Variants in DOCK8 observed in about 807,000 individuals in gnomAD.
DOCK8 encodes dedicator of cytokinesis protein 8.
In DOCK8, 141 loss-of-function variants were observed where a neutral mutation model predicts 245.6. That is an observed-to-expected ratio of 0.57 (90% CI 0.50 to 0.66). The LOEUF (loss-of-function observed/expected upper bound fraction) is 0.66, where lower values mean the gene tolerates loss of function less well. Among genes scored for constraint, DOCK8 ranks in the 30% least tolerant of loss-of-function variants. DOCK8 has a pLI of 0.00. For missense variants in DOCK8, 2,965 were observed against 2,603.4 expected (o/e 1.14, Z -3.02); for synonymous variants, 1,168 against 970.2 (o/e 1.20, Z -3.79).
At position 448,786 on chromosome 9, in the gene DOCK8, C is replaced by G. The variant is rs139425942; in HGVS notation, c.5818-998C>G. On this transcript the variant is annotated intron_variant, in intron 44 of 47. Coordinates refer to ENST00000432829, the MANE Select transcript of DOCK8 (RefSeq NM_203447.4). ...TTGATTGCCTCTGTAAAGACCCTAT[C>G]TCCAAAGAAGGTCACATTCTGAGGT... 9.8e-4 allele frequency among the ~76,000 whole-genome samples: 149 copies of G among 152,334 alleles called. 2 individuals are homozygous for G. The highest frequency in any genetic ancestry group is 3.4e-3 in the African/African-American group (142 of 41,580).
At chr9:354,615 C>T (rs767244301) in intron 14 of DOCK8, among the ~76,000 whole-genome samples, 10 of 152,138 alleles carry the variant, frequency 6.6e-5, no homozygotes, top group Admixed American at 3.3e-4. Context: ...CCTAGGCTGC[C>T]GTCACCTCAA....
chr9:368,247 A>G, intron 15 of DOCK8, 112 bp downstream of exon 15: 1 of 914,430 alleles, frequency 1.1e-6, no homozygotes, highest in South Asian at 1.3e-5. Context: ...CCAGGCCAAT[A>G]CTGCTCAGCA....
chr9:271,721 C>T lies in DOCK8; in HGVS notation c.148C>T (p.Leu50Phe), dbSNP rs1045835531. ...CATAAGTACCTCTGGCTTCCCCTCT[C>T]TTCAACTAGTAAGTATGAGTTCCAG... ...QSISTSGFPSLQLPQFYDPVE... is the reference protein window; with the variant it reads ...QSISTSGFPSFQLPQFYDPVE... The change falls in exon 2 of 48, where the codon CTT (leucine) becomes TTT (phenylalanine). Residue 50 changes from leucine to phenylalanine, a missense_variant. By Grantham distance (22) the Leu-to-Phe change is conservative. This residue lies in a region of DOCK8 where 2,825 missense variants were observed against 2,453.5 expected (regional missense o/e 1.15). Transcript: ENST00000432829. 54 of 1,550,504 alleles carry T rather than the reference C, an allele frequency of 3.5e-5. No individual in the cohort carries two copies. Among genetic ancestry groups the T allele is most frequent in the Middle Eastern group, 1.7e-4 (1 of 6,016 alleles).
chr9:293,397 CT>C (rs2130420594), intron 4 of DOCK8, among the ~76,000 whole-genome samples: 1 of 152,292 alleles, frequency 6.6e-6, no homozygotes, highest in Non-Finnish European at 1.5e-5. Flanking sequence ...ACATTTTTAG[CT>C]TATTGTTTTC....
chr9:312,717 A>G lies in DOCK8; in HGVS notation c.741+551A>G, dbSNP rs146583953. On this transcript the variant is annotated intron_variant, in intron 6 of 47. Transcript: ENST00000432829. ...TCTTCATTTATTGGAGCTGACTGAC[A>G]ACAATAGGATAATGTAGACTTTGCC... The G allele has an allele frequency of 1.2e-3, 410 of 341,052 alleles. 3 individuals carry two copies. The highest frequency in any genetic ancestry group is 8.2e-3 in the Admixed American group (190 of 23,308). 21.1% of individuals were successfully genotyped at this position (341,052 alleles called of 1,614,324 possible).
chr9:221,473 A>G (rs970655880), intron 1 of DOCK8, among the ~76,000 whole-genome samples: 2 of 152,122 alleles, frequency 1.3e-5, no homozygotes, highest in African/African-American at 4.8e-5. Context: ...TTTACATAGC[A>G]TTTACATTGT....
At chr9:289,691 G>A in intron 4 of DOCK8, 110 bp downstream of exon 4, 1 of 950,812 alleles carries the variant, frequency 1.1e-6, no homozygotes, top group South Asian at 1.6e-5. Context: ...AAAATTGCAT[G>A]GCAAATAGAG....
chr9:283,944 A>G (rs545434464), intron 2 of DOCK8, among the ~76,000 whole-genome samples: 1 of 152,340 alleles, frequency 6.6e-6, no homozygotes, highest in African/African-American at 2.4e-5. Flanking sequence ...CTCAATTTGC[A>G]GTAAGAATGC....
At chr9:428,560 C>A in intron 35 of DOCK8, 64 bp downstream of exon 35, 1 of 1,593,408 alleles carries the variant, frequency 6.3e-7, no homozygotes, top group Non-Finnish European at 8.6e-7. Flanking sequence ...TAGCTTCATA[C>A]TTCTCTCTTC....
rs545566268 is a variant in DOCK8, at chr9:384,294, T to C, written c.2778+1609T>C. Reference sequence around the variant, plus strand: ...TAATCTACTCACAAAGCTACCACGATGAATTCTTAGCCTGAATTTTTTCTC... The same window carrying C: ...TAATCTACTCACAAAGCTACCACGACGAATTCTTAGCCTGAATTTTTTCTC... On this transcript the variant is annotated intron_variant, in intron 22 of 47. Transcript: ENST00000432829. Among the ~76,000 whole-genome samples, 27 of 152,352 alleles carry C rather than the reference T, an allele frequency of 1.8e-4. 1 individual carries two copies. The South Asian group carries it at 3.7e-3, about 21-fold the overall frequency.
intron 1 of DOCK8, 59 bp downstream of exon 1, chr9:215,088 CGGAGCTTCGCTG>C: frequency 6.6e-7 from 1 of 1,521,888 alleles, no homozygotes; most frequent in African/African-American, 1.4e-5. Context: ...TGGTGTGAAG[CGGAGCTTCGCTG>C]CAGGGGCCGA....
At chr9:216,411 C>G (rs1369249254) in intron 1 of DOCK8, among the ~76,000 whole-genome samples, 1 of 151,800 alleles carries the variant, frequency 6.6e-6, no homozygotes, top group Non-Finnish European at 1.5e-5. Context: ...TTGCATGCAC[C>G]TGTAGCCCCA....
intron 28 of DOCK8, among the ~76,000 whole-genome samples, chr9:408,493 G>T (rs1027686197): frequency 6.6e-6 from 1 of 152,106 alleles, no homozygotes. Context: ...AATTATCTCA[G>T]TAGAATGTTC....
intron 5 of DOCK8, among the ~76,000 whole-genome samples, chr9:305,738 C>T (rs1563901341): frequency 6.6e-6 from 1 of 152,150 alleles, no homozygotes; most frequent in Non-Finnish European, 1.5e-5. Flanking sequence ...AAATAGAAGA[C>T]AGAAAGAAAG....
intron 1 of DOCK8, among the ~76,000 whole-genome samples, chr9:246,196 G>A (rs2047502284): frequency 1.3e-5 from 2 of 151,754 alleles, no homozygotes; most frequent in African/African-American, 2.4e-5. Flanking sequence ...TCCATCCTAG[G>A]TGACAGAGTG....
chr9:366,213 A>G (rs1303642137), intron 14 of DOCK8: 2 of 153,490 alleles, frequency 1.3e-5, no homozygotes, highest in African/African-American at 4.8e-5. Context: ...CACCTCACTG[A>G]TACTTGAAGC....
intron 23 of DOCK8, among the ~76,000 whole-genome samples, chr9:387,203 G>A (rs113095341): frequency 0.022 from 3,414 of 152,222 alleles, 115 homozygotes; most frequent in African/African-American, 0.077. Context: ...CAGCACTTTC[G>A]GAGGCCGAGG....
At chr9:251,392 G>A (rs540174790) in intron 1 of DOCK8, among the ~76,000 whole-genome samples, 22 of 152,296 alleles carry the variant, frequency 1.4e-4, no homozygotes, top group Non-Finnish European at 2.9e-4. Flanking sequence ...ACTTATCCAT[G>A]AAAGGATTAA....
At chr9:235,226 G>A (rs576932808) in intron 1 of DOCK8, among the ~76,000 whole-genome samples, 140 of 152,278 alleles carry the variant, frequency 9.2e-4, no homozygotes, top group African/African-American at 3.1e-3. Context: ...TTGGTGAACC[G>A]CAAATGCTGC....
Sources: allele counts gnomAD v4.1 joint callset (sites outside exome capture counted in the v4.1 genomes callset), GRCh38; gene constraint gnomAD v4.1.1; regional missense constraint gnomAD v4.1.1; transcripts MANE v1.5; gene names NCBI Gene and HGNC (gene_info 2026-07-23, HGNC 2026-07-21).